Variants in INTS10 observed in about 807,000 individuals in gnomAD.
INTS10 encodes integrator complex subunit 10, also known as chromosome 8 open reading frame 35.
In INTS10, 44 loss-of-function variants were observed where a neutral mutation model predicts 94.4. That is an observed-to-expected ratio of 0.47 (90% CI 0.37 to 0.60). INTS10 has a LOEUF of 0.60. Among genes scored for constraint, INTS10 ranks in the 20% least tolerant of loss-of-function variants. The pLI is 0.00. For missense variants in INTS10, 797 were observed against 868.7 expected (o/e 0.92, Z 1.04); for synonymous variants, 341 against 320.7 (o/e 1.06, Z -0.68).
chr8:19,845,867 A>G (rs2068538426), intron 16 of INTS10, 70 bp downstream of exon 16: 1 of 1,048,982 alleles, frequency 9.5e-7, no homozygotes, highest in Admixed American at 1.8e-5. Flanking sequence ...AAGTATTTGT[A>G]AATGTCTATA....
chr8:19,830,550 C>T lies in INTS10; in HGVS notation c.1285C>T (p.Leu429Phe), dbSNP rs1361496963. 6.2e-7 allele frequency: 1 copy of T among 1,611,420 alleles called. No individual in the cohort carries two copies. The highest frequency in any genetic ancestry group is 1.3e-5 in the African/African-American group (1 of 74,818). ...SWELLYSLEF[L>F]DKEFTRICLA... The stretch of plus-strand genomic sequence containing the variant: ...GGAGTTGCTCTATTCCCTAGAATTC[C>T]TTGACAAAGGTAAGAAAGCGCATGT... Residue 429 changes from leucine to phenylalanine, a missense_variant, in exon 10 of 17, where the codon CTT (leucine) becomes TTT (phenylalanine). Leu to Phe is a conservative substitution (Grantham distance 22). Transcript: ENST00000397977.
At chr8:19,844,031 G>A in intron 14 of INTS10, 45 bp from the exon 15 acceptor site, 1 of 1,492,260 alleles carries the variant, frequency 6.7e-7, no homozygotes, top group Non-Finnish European at 9.1e-7. Context: ...AGATTACCCT[G>A]TGACTTCCTT....
At position 19,849,793 on chromosome 8, in the gene INTS10, C is replaced by G. The variant is rs2068872630; in HGVS notation, c.1977-1856C>G. Among the ~76,000 whole-genome samples the G allele has an allele frequency of 6.6e-6, 1 of 152,160 alleles. No homozygotes were observed. The highest frequency in any genetic ancestry group is 2.4e-5 in the African/African-American group (1 of 41,426). On this transcript the variant is annotated intron_variant, in intron 16 of 16. Coordinates refer to ENST00000397977, the MANE Select transcript of INTS10 (RefSeq NM_018142.4). The surrounding 1 kb of genome is among the most constrained non-coding windows in gnomAD (Gnocchi z 4.6). ...CATTTATTAGCTGGTTTATCCTGTT[C>G]TTAAACCACAAAAGCTTACTAATTC...
intron 10 of INTS10, 65 bp from the exon 11 acceptor site, chr8:19,831,963 G>A: frequency 3.3e-6 from 3 of 920,068 alleles, no homozygotes; most frequent in Admixed American, 3.4e-5. Flanking sequence ...TACTGGATTT[G>A]TTAGTTTGTT....
At chr8:19,834,363 T>C (rs921291272) in intron 12 of INTS10, among the ~76,000 whole-genome samples, 9 of 152,236 alleles carry the variant, frequency 5.9e-5, no homozygotes, top group Admixed American at 2.0e-4. Flanking sequence ...AAAGGAACAA[T>C]TGGAGAATGT....
At position 19,842,861 on chromosome 8, in the gene INTS10, G is replaced by A; in HGVS notation, c.1653G>A (p.Lys551=). Reference sequence around the variant, plus strand: ...GACTTCTGTTAGGTTCGGATCTGAAGCTCCTGCCTTGTACCAGCAAGGCTA... The same window carrying A: ...GACTTCTGTTAGGTTCGGATCTGAAACTCCTGCCTTGTACCAGCAAGGCTA... The part of the protein sequence containing the change: ...KPKFRKGSDL[K]LLPCTSKAIM... Residue 551 remains lysine (K), a synonymous_variant, in exon 14 of 17, where the codon AAG becomes AAA. Transcript: ENST00000397977. 1.2e-6 allele frequency: 2 copies of A among 1,611,006 alleles called. No homozygotes were observed. The highest frequency in any genetic ancestry group is 2.2e-5 in the East Asian group (1 of 44,840).
At chr8:19,836,976 C>A in intron 12 of INTS10, 76 bp from the exon 13 acceptor site, 1 of 921,104 alleles carries the variant, frequency 1.1e-6, no homozygotes. Context: ...TTGTATGCTG[C>A]AAATATTTTG....
intron 13 of INTS10, among the ~76,000 whole-genome samples, chr8:19,840,598 A>T (rs1474929328): frequency 2.1e-4 from 32 of 152,244 alleles, no homozygotes. Context: ...ATAAGAATGG[A>T]GAATCCAGAA....
At position 19,833,310 on chromosome 8, in the gene INTS10, G is replaced by C; in HGVS notation, c.1519G>C (p.Gly507Arg). ...GCTGGCGACGTGCCACTTTGCGCTA[G>C]GGGAGTACAGAGTGAGTACTGCACA... ...IQLATCHFALGEYRMTCEKVL... is the reference protein window; with the variant it reads ...IQLATCHFALREYRMTCEKVL... Residue 507 changes from glycine to arginine, a missense_variant, in exon 12 of 17, where the codon GGG becomes CGG. Gly to Arg is a moderately radical substitution (Grantham distance 125, BLOSUM62 -2). This residue lies in a region of INTS10 where 734 missense variants were observed against 787.8 expected (regional missense o/e 0.93). Coordinates refer to ENST00000397977, the MANE Select transcript of INTS10 (RefSeq NM_018142.4). The C allele has an allele frequency of 3.1e-6, 5 of 1,609,992 alleles. No homozygotes were observed. The highest frequency in any genetic ancestry group is 4.2e-6 in the Non-Finnish European group (5 of 1,178,082).
In INTS10 at chr8:19,817,489, G is replaced by A. The variant is rs754420121; in HGVS notation, c.-49G>A. The A allele has an allele frequency of 6.3e-7, 1 of 1,582,416 alleles. No individual in the cohort carries two copies. The highest frequency in any genetic ancestry group is 1.8e-5 in the Admixed American group (1 of 56,488). Reference sequence around the variant, plus strand: ...CTGCCGTGGCGGCTGAGAGTCCAGAGCCGGACGTTCCGGCCGCTTCGGGCT... The same window carrying A: ...CTGCCGTGGCGGCTGAGAGTCCAGAACCGGACGTTCCGGCCGCTTCGGGCT... On this transcript the variant is annotated 5_prime_UTR_variant, in exon 1 of 17. Transcript: ENST00000397977.
chr8:19,833,180 A>C lies in INTS10; in HGVS notation c.1389A>C (p.Lys463Asn). ...TDMIIYQGQY[K>N]KAIASLHHLA... ...TCTATCTTTCTTAGGGTCAATATAA[A>C]AAGGCGATAGCCAGCCTGCATCACT... The change falls in exon 12 of 17, where the codon AAA becomes AAC. Residue 463 changes from lysine to asparagine, a missense_variant. By Grantham distance (94) the Lys-to-Asn change is moderately conservative (BLOSUM62 0). This residue lies in a region of INTS10 where 734 missense variants were observed against 787.8 expected (regional missense o/e 0.93). Coordinates refer to ENST00000397977, the MANE Select transcript of INTS10 (RefSeq NM_018142.4). The C allele has an allele frequency of 6.3e-7, 1 of 1,593,926 alleles. No individual in the cohort carries two copies. The highest frequency in any genetic ancestry group is 8.5e-7 in the Non-Finnish European group (1 of 1,172,444).
At chr8:19,850,866 G>T (rs1429818017) in intron 16 of INTS10, among the ~76,000 whole-genome samples, 3 of 152,072 alleles carry the variant, frequency 2.0e-5, no homozygotes, top group Non-Finnish European at 2.9e-5. Flanking sequence ...AACCTTTGGG[G>T]TGTAGTTAAG....
intron 10 of INTS10, among the ~76,000 whole-genome samples, chr8:19,831,225 C>T (rs1410562006): frequency 1.3e-5 from 2 of 152,202 alleles, no homozygotes; most frequent in Admixed American, 6.5e-5. Context: ...GCTGTGTCAT[C>T]TTTTCTAAGT....
chr8:19,817,443 T>TGGCTGC lies in INTS10; in HGVS notation c.-92_-91insTGCGGC. Reference sequence around the variant, plus strand: ...ACATGCGCAGTAGCCTCCCCCGCGGTGGCGGCGGCGGCGGCGGTGGCTGCC... The same window carrying TGGCTGC: ...ACATGCGCAGTAGCCTCCCCCGCGGTGGCTGCGGCGGCGGCGGCGGCGGTGGCTGCC... On this transcript the variant is annotated 5_prime_UTR_variant, in exon 1 of 17. Coordinates refer to ENST00000397977, the MANE Select transcript of INTS10 (RefSeq NM_018142.4). 1 of 1,483,338 alleles carries TGGCTGC rather than the reference T, an allele frequency of 6.7e-7. No homozygotes were observed. Among genetic ancestry groups the TGGCTGC allele is most frequent in the South Asian group, 1.3e-5 (1 of 78,112 alleles). The allele number at this position is 1,483,338 out of a possible 1,614,324, so 91.9% of individuals were successfully genotyped here. A position where few individuals can be genotyped will look rare whatever the true frequency, so the allele number is the denominator to read the frequency against.
chr8:19,845,378 T>C (rs2068490816), intron 15 of INTS10: 1 of 223,942 alleles, frequency 4.5e-6, no homozygotes, highest in South Asian at 1.3e-4. Context: ...TATTAATTAT[T>C]ATCGATATGG....
intron 3 of INTS10, 126 bp from the exon 4 acceptor site, chr8:19,820,253 A>T (rs1357521011): frequency 5.9e-6 from 5 of 851,334 alleles, no homozygotes; most frequent in Non-Finnish European, 8.5e-6. Context: ...TGTAGGTGAA[A>T]CTTAACTGCA....
At chr8:19,822,778 T>C (rs953786052) in intron 5 of INTS10, among the ~76,000 whole-genome samples, 2 of 152,058 alleles carry the variant, frequency 1.3e-5, no homozygotes, top group African/African-American at 2.4e-5. Context: ...GGTGAAAACC[T>C]GTCTCTACTA....
chr8:19,834,709 A>G (rs957521845), intron 12 of INTS10, among the ~76,000 whole-genome samples: 5 of 152,150 alleles, frequency 3.3e-5, no homozygotes, highest in African/African-American at 1.2e-4. Flanking sequence ...TCTTTAGCCC[A>G]GACTCAATAT....
chr8:19,845,174 A>G (rs746052678), intron 15 of INTS10, among the ~76,000 whole-genome samples: 46 of 152,220 alleles, frequency 3.0e-4, no homozygotes, highest in Non-Finnish European at 5.3e-4. Context: ...GACATATTGC[A>G]TAAAATTTGG....
Sources: gnomAD v4.1 joint callset for allele counts (sites outside exome capture counted in the v4.1 genomes callset) on GRCh38, gnomAD v4.1.1 for gene constraint, gnomAD v4.1.1 regional missense constraint, Gnocchi (gnomAD v3.1) non-coding constraint, MANE v1.5 for transcripts, NCBI Gene and HGNC (gene_info 2026-07-23, HGNC 2026-07-21) for gene names.